USP54: variants seen among roughly 807,000 people sequenced by gnomAD.
The protein encoded by USP54 is ubiquitin carboxyl-terminal hydrolase 54.
A neutral mutation model predicts 170.5 loss-of-function variants in USP54; 87 were observed. The observed-to-expected ratio is 0.51, with a 90% confidence interval of 0.43 to 0.61. The LOEUF is 0.61. Among genes scored for constraint, USP54 ranks in the 20% least tolerant of loss-of-function variants. USP54 has a pLI of 0.00. For synonymous variants in USP54, 655 were observed against 742.8 expected (o/e 0.88, Z 1.92); for missense variants, 1,786 against 2,047.8 (o/e 0.87, Z 2.47).
chr10:73,614,357 C>T (rs1392903149), intron 1 of USP54, among the ~76,000 whole-genome samples: 5 of 149,974 alleles, frequency 3.3e-5, no homozygotes, highest in East Asian at 1.9e-4. Context: ...GTCAGGAGTT[C>T]GAGACCAGCA....
At chr10:73,579,143 G>A (rs1199646374) in intron 1 of USP54, among the ~76,000 whole-genome samples, 3 of 151,624 alleles carry the variant, frequency 2.0e-5, no homozygotes, top group Admixed American at 6.6e-5. Flanking sequence ...TACAGATGGG[G>A]TTTCACCATG....
intron 1 of USP54, among the ~76,000 whole-genome samples, chr10:73,624,071 C>A (rs1225699667): frequency 2.1e-5 from 3 of 145,758 alleles, no homozygotes; most frequent in Non-Finnish European, 4.5e-5. Flanking sequence ...GCTGACATTA[C>A]AAATTAGGTT....
intron 17 of USP54, among the ~76,000 whole-genome samples, chr10:73,521,524 C>A (rs189256179): frequency 2.5e-3 from 375 of 152,312 alleles, no homozygotes; most frequent in African/African-American, 8.5e-3. Flanking sequence ...ATTCTGTGGA[C>A]AGCCATTCAT....
chr10:73,511,521 G>T lies in USP54; in HGVS notation c.4051+4854C>A, dbSNP rs529232710. 1.6e-4 allele frequency among the ~76,000 whole-genome samples: 24 copies of T among 151,472 alleles called. No homozygotes were observed. The East Asian group carries it at 3.2e-3, about 20-fold the overall frequency. On this transcript the variant is annotated intron_variant, in intron 20 of 23. Coordinates refer to ENST00000687698, the MANE Select transcript of USP54 (RefSeq NM_001391956.1). ...CAAAATATACAAAAATTAGTCAGGTGTGGTGGCACATGCCTGTAATCCCAG... is the reference window on the plus strand; with the variant it reads ...CAAAATATACAAAAATTAGTCAGGTTTGGTGGCACATGCCTGTAATCCCAG...
At chr10:73,596,130 A>G (rs995734696), upstream of USP54, among the ~76,000 whole-genome samples, 1 of 145,432 alleles carries the variant, frequency 6.9e-6, no homozygotes, top group Non-Finnish European at 1.5e-5. Context: ...AAAACAAAAC[A>G]AAAAAAACAG....
intron 1 of USP54, among the ~76,000 whole-genome samples, chr10:73,578,427 T>C (rs2076405789): frequency 6.6e-6 from 1 of 152,210 alleles, no homozygotes. Flanking sequence ...TTTTGTTTTG[T>C]TTCTGAGGCA....
At chr10:73,562,038 T>C (rs12267643) in intron 4 of USP54, among the ~76,000 whole-genome samples, 6,401 of 151,684 alleles carry the variant, frequency 0.042, 444 homozygotes, top group African/African-American at 0.14. Context: ...GAGGTAGAGG[T>C]TGCAGTGAGC....
At chr10:73,541,310 A>C (rs2066554245) in intron 9 of USP54, 65 bp downstream of exon 9, 1 of 1,600,218 alleles carries the variant, frequency 6.2e-7, no homozygotes, top group East Asian at 2.2e-5. Context: ...TCTAGTGCTC[A>C]CTGCTCCTAA....
intron 4 of USP54, among the ~76,000 whole-genome samples, chr10:73,560,407 C>G (rs1309124661): frequency 6.6e-6 from 1 of 151,610 alleles, no homozygotes; most frequent in Non-Finnish European, 1.5e-5. Flanking sequence ...GTAATCCCAG[C>G]ACTTTGGGAG....
chr10:73,566,815 G>T (rs2073945802), intron 4 of USP54, among the ~76,000 whole-genome samples: 1 of 152,120 alleles, frequency 6.6e-6, no homozygotes, highest in Non-Finnish European at 1.5e-5. Context: ...TGGGAGAAAA[G>T]AGATCTGATT....
chr10:73,520,375 C>T (rs2061714021), intron 18 of USP54, among the ~76,000 whole-genome samples: 1 of 152,180 alleles, frequency 6.6e-6, no homozygotes, highest in African/African-American at 2.4e-5. Flanking sequence ...AGATCCAAAC[C>T]TGCATCTGTC....
upstream of USP54, among the ~76,000 whole-genome samples, chr10:73,592,071 T>C (rs1472264644): frequency 6.6e-6 from 1 of 152,078 alleles, no homozygotes; most frequent in African/African-American, 2.4e-5. Flanking sequence ...GAGACCTAGT[T>C]ACATCACCAA....
chr10:73,596,473 G>A (rs955947722), intron 1 of USP54, among the ~76,000 whole-genome samples: 14 of 151,156 alleles, frequency 9.3e-5, no homozygotes, highest in African/African-American at 3.2e-4. Context: ...GCAGGAGAAT[G>A]GTGTGAACCC....
chr10:73,541,716 C>G lies in USP54; in HGVS notation c.595G>C (p.Glu199Gln). Residue 199 changes from glutamate to glutamine, a missense_variant, in exon 8 of 24, where the codon GAA becomes CAA. Glu to Gln is a conservative substitution (Grantham distance 29, BLOSUM62 2). Coordinates refer to ENST00000687698, the MANE Select transcript of USP54 (RefSeq NM_001391956.1). ...SLCNQAICML[E>Q]RREKPSPSMF... ...CTTGGTGAAGGTTTCTCTCGTCTTT[C>G]CAGCATACAAATAGCCTGATTGCTT... The G allele has an allele frequency of 6.2e-7, 1 of 1,614,144 alleles. No individual in the cohort carries two copies. Among genetic ancestry groups the G allele is most frequent in the Non-Finnish European group, 8.5e-7 (1 of 1,180,036 alleles).
intron 4 of USP54, among the ~76,000 whole-genome samples, chr10:73,562,125 A>AG (rs2073211796): frequency 2.0e-5 from 3 of 152,004 alleles, no homozygotes; most frequent in African/African-American, 2.4e-5. Context: ...AGAGAGAGAG[A>AG]AAAAAATTAC....
chr10:73,621,029 G>T (rs951431165), intron 1 of USP54, among the ~76,000 whole-genome samples: 1 of 149,856 alleles, frequency 6.7e-6, no homozygotes, highest in Admixed American at 6.6e-5. Flanking sequence ...GGTGGCACGT[G>T]CCTGTAATCC....
chr10:73,552,044 G>C (rs1340193563), intron 4 of USP54, among the ~76,000 whole-genome samples: 1 of 152,120 alleles, frequency 6.6e-6, no homozygotes, highest in Non-Finnish European at 1.5e-5. Context: ...GAGAAAGACA[G>C]GGCTCCACTC....
intron 18 of USP54, among the ~76,000 whole-genome samples, chr10:73,520,397 C>T (rs1167506192): frequency 6.6e-6 from 1 of 152,160 alleles, no homozygotes; most frequent in Admixed American, 6.5e-5. Flanking sequence ...TTATAGACCA[C>T]AGCTTCTTGT....
In USP54 at chr10:73,516,636, C is replaced by G. The variant is rs778704801; in HGVS notation, c.3790G>C (p.Val1264Leu). 4.3e-6 allele frequency: 7 copies of G among 1,614,234 alleles called. No homozygotes were observed. Among genetic ancestry groups the G allele is most frequent in the Non-Finnish European group, 5.1e-6 (6 of 1,180,046 alleles). The stretch of plus-strand genomic sequence containing the variant: ...GAATCACAGAACCTTGTGATATTCA[C>G]CCAGGAATCCAAAGGCAAGGAAGTC... The part of the protein sequence containing the change: ...LGTSLPLDSW[V>L]NITRFCDSQL... The change falls in exon 20 of 24, where the codon GTG (valine) becomes CTG (leucine). Residue 1264 changes from valine to leucine, a missense_variant. Around this residue, in one of 3 missense-constraint regions of USP54, gnomAD observed 1,418 missense variants for 1,569.0 expected, o/e 0.90. Coordinates refer to ENST00000687698, the MANE Select transcript of USP54 (RefSeq NM_001391956.1).
Sources: allele counts gnomAD v4.1 joint callset (sites outside exome capture counted in the v4.1 genomes callset), GRCh38; gene constraint gnomAD v4.1.1; regional missense constraint gnomAD v4.1.1; transcripts MANE v1.5; gene names NCBI Gene and HGNC (gene_info 2026-07-23, HGNC 2026-07-21).